Variants in NDST3 observed in about 807,000 individuals in gnomAD.
NDST3 encodes N-deacetylase and N-sulfotransferase 3.
In NDST3, 58 loss-of-function variants were observed where a neutral mutation model predicts 96.1. That is an observed-to-expected ratio of 0.60 (90% CI 0.49 to 0.75). NDST3 has a LOEUF of 0.75. NDST3 is among the 30% of genes least tolerant of loss of function. The probability of loss-of-function intolerance (pLI) is 0.00; values close to 1 mark genes in which losing one functional copy is unlikely to be tolerated. For synonymous variants in NDST3, 333 were observed against 359.7 expected, an observed-to-expected ratio of 0.93 and a Z score of 0.84; for missense variants, 788 against 1,034.2, an observed-to-expected ratio of 0.76 and a Z score of 3.27.
chr4:118,194,321 T>C (rs1447226554), intron 6 of NDST3: 6 of 734,724 alleles, frequency 8.2e-6, no homozygotes, highest in Non-Finnish European at 1.3e-5. Context: ...CGCCATCTTC[T>C]TCTTCCGTCA....
intron 4 of NDST3, among the ~76,000 whole-genome samples, chr4:118,119,265 T>C (rs1472931640): frequency 6.6e-6 from 1 of 152,200 alleles, no homozygotes; most frequent in Non-Finnish European, 1.5e-5. Context: ...TTTTCCAATA[T>C]GGAAATAAAG....
At chr4:118,108,566 C>A (rs866744028) in intron 3 of NDST3, among the ~76,000 whole-genome samples, 1 of 152,082 alleles carries the variant, frequency 6.6e-6, no homozygotes, top group African/African-American at 2.4e-5. Context: ...TCAATATAAT[C>A]TCCATATGCA....
chr4:118,179,163 G>A lies in NDST3; in HGVS notation c.1539+35479G>A, dbSNP rs543802616. 5.9e-5 allele frequency among the ~76,000 whole-genome samples: 9 copies of A among 151,970 alleles called. No individual in the cohort carries two copies. The East Asian group carries it at 1.5e-3, about 26-fold the overall frequency. ...ACAAACCTGACCTTTGCCCTGGGGG[G>A]AGACACTATTTCTGTCTTCCAAGGC... On this transcript the variant is annotated intron_variant, in intron 6 of 13. Coordinates refer to ENST00000296499, the MANE Select transcript of NDST3 (RefSeq NM_004784.3).
chr4:118,058,594 A>AGTGTGTGT (rs59628763), intron 2 of NDST3, among the ~76,000 whole-genome samples: 48 of 81,046 alleles, frequency 5.9e-4, no homozygotes, highest in African/African-American at 1.4e-3. Context: ...AGTCAGGAAA[A>AGTGTGTGT]GTGTGTGTGT....
Position 118,256,014 on chromosome 4 carries a change from C to A in NDST3, c.*302C>A. ...TATCAAACACAAATGCAGAACTGTT[C>A]CATTTCATAGTAATATTTACACTTT... On this transcript the variant is annotated 3_prime_UTR_variant, in exon 14 of 14. Transcript: ENST00000296499. The A allele has an allele frequency of 5.5e-6, 1 of 182,564 alleles. No homozygotes were observed. The highest frequency in any genetic ancestry group is 1.1e-5 in the Non-Finnish European group (1 of 88,374). 11.3% of individuals were successfully genotyped at this position (182,564 alleles called of 1,614,324 possible).
At chr4:118,167,437 C>T (rs1421642357) in intron 6 of NDST3, among the ~76,000 whole-genome samples, 2 of 151,924 alleles carry the variant, frequency 1.3e-5, no homozygotes, top group African/African-American at 4.8e-5. Flanking sequence ...GAAAGATACT[C>T]CATGGTCATA....
rs771311789 is a variant in NDST3, at chr4:118,034,551, G to C, written c.-197G>C. Reference sequence around the variant, plus strand: ...TGTTTCCGTTTCTTTTCCATCTATTGCAACTTTCTCAAGCATTTTCAGCTC... The same window carrying C: ...TGTTTCCGTTTCTTTTCCATCTATTCCAACTTTCTCAAGCATTTTCAGCTC... On this transcript the variant is annotated 5_prime_UTR_variant, in exon 1 of 14. Coordinates refer to ENST00000296499, the MANE Select transcript of NDST3 (RefSeq NM_004784.3). 2.0e-5 allele frequency: 3 copies of C among 152,100 alleles called. No individual in the cohort carries two copies. Among genetic ancestry groups the C allele is most frequent in the Non-Finnish European group, 2.9e-5 (2 of 68,026 alleles). The allele number at this position is 152,100 out of a possible 1,614,324, so 9.4% of individuals were successfully genotyped here. A position where few individuals can be genotyped will look rare whatever the true frequency, so the allele number is the denominator to read the frequency against.
rs1372700456 is a variant in NDST3, at chr4:118,205,236, T to C, written c.1540-19255T>C. On this transcript the variant is annotated intron_variant, in intron 6 of 13. Coordinates refer to ENST00000296499, the MANE Select transcript of NDST3 (RefSeq NM_004784.3). ...TGCAGATGGGCTTGAGATAGACAAA[T>C]AGATACTCAAAGAGAACAACAGAGA... Among the ~76,000 whole-genome samples, 3 of 144,016 alleles carry C rather than the reference T, an allele frequency of 2.1e-5. 1 individual carries two copies. Among genetic ancestry groups the C allele is most frequent in the African/African-American group, 2.6e-5 (1 of 38,914 alleles). 94.5% of individuals were successfully genotyped at this position (144,016 alleles called of 152,430 possible).
intron 4 of NDST3, among the ~76,000 whole-genome samples, chr4:118,137,142 G>A (rs1436168878): frequency 6.6e-6 from 1 of 152,146 alleles, no homozygotes; most frequent in Admixed American, 6.5e-5. Context: ...ATGTGAAACT[G>A]TTATTTGGCA....
chr4:118,186,222 T>C (rs1736947844), intron 6 of NDST3, among the ~76,000 whole-genome samples: 1 of 152,206 alleles, frequency 6.6e-6, no homozygotes, highest in African/African-American at 2.4e-5. Flanking sequence ...TCTGGTCTGC[T>C]GGGGCCTACT....
At chr4:118,148,929 G>C (rs1273225391) in intron 6 of NDST3, among the ~76,000 whole-genome samples, 2 of 152,104 alleles carry the variant, frequency 1.3e-5, no homozygotes, top group Non-Finnish European at 2.9e-5. Flanking sequence ...ATTGATTTTT[G>C]TATAAGGTGT....
chr4:118,253,291 C>T (rs1741873995), intron 12 of NDST3, among the ~76,000 whole-genome samples: 1 of 152,118 alleles, frequency 6.6e-6, no homozygotes, highest in African/African-American at 2.4e-5. Flanking sequence ...ACAAATATGA[C>T]AGATGAACTC....
At position 118,167,118 on chromosome 4, in the gene NDST3, T is replaced by C. The variant is rs80345788; in HGVS notation, c.1539+23434T>C. ...AAATTATCTCTGTTTGGAAATGACA[T>C]GATCTTATATTTAGAAAACCCTAAA... On this transcript the variant is annotated intron_variant, in intron 6 of 13. Transcript: ENST00000296499. Among the ~76,000 whole-genome samples the C allele has an allele frequency of 5.7e-3, 862 of 150,674 alleles. 11 individuals carry two copies. Among genetic ancestry groups the C allele is most frequent in the African/African-American group, 0.02 (828 of 41,244 alleles).
intron 2 of NDST3, among the ~76,000 whole-genome samples, chr4:118,076,250 T>C (rs958391309): frequency 6.6e-6 from 1 of 152,212 alleles, no homozygotes; most frequent in African/African-American, 2.4e-5. Flanking sequence ...ATGTCAACTT[T>C]GGAGAATATG....
intron 6 of NDST3, among the ~76,000 whole-genome samples, chr4:118,209,129 A>C (rs2125985096): frequency 6.6e-6 from 1 of 152,296 alleles, no homozygotes; most frequent in East Asian, 1.9e-4. Flanking sequence ...TCCTATATCT[A>C]TTATATTGTG....
intron 1 of NDST3, among the ~76,000 whole-genome samples, chr4:118,045,634 T>A (rs960497215): frequency 2.0e-5 from 3 of 152,200 alleles, no homozygotes; most frequent in Non-Finnish European, 2.9e-5. Context: ...GATAAACATA[T>A]TGTTCAAAAT....
chr4:118,163,317 C>A (rs896845252), intron 6 of NDST3, among the ~76,000 whole-genome samples: 3 of 152,236 alleles, frequency 2.0e-5, no homozygotes, highest in Admixed American at 6.5e-5. Context: ...TTTACTGTGG[C>A]TCTGTTCACA....
At chr4:118,050,844 T>G (rs1725033035) in intron 1 of NDST3, among the ~76,000 whole-genome samples, 1 of 151,906 alleles carries the variant, frequency 6.6e-6, no homozygotes, top group Admixed American at 6.6e-5. Context: ...TTACAAATGC[T>G]ATTTTTAAAT....
chr4:118,252,143 G>A (rs1741785989), intron 12 of NDST3, among the ~76,000 whole-genome samples: 1 of 152,138 alleles, frequency 6.6e-6, no homozygotes, highest in Non-Finnish European at 1.5e-5. Context: ...AAGAAAAATG[G>A]CAATATAATT....
Sources: gnomAD v4.1 joint callset for allele counts (sites outside exome capture counted in the v4.1 genomes callset) on GRCh38, gnomAD v4.1.1 for gene constraint, MANE v1.5 for transcripts, NCBI Gene and HGNC (gene_info 2026-07-23, HGNC 2026-07-21) for gene names.